Variants in EYA2 observed in about 807,000 individuals in gnomAD.
EYA2 encodes EYA transcriptional coactivator and phosphatase 2, also known as protein phosphatase EYA2.
EYA2 carries 31 observed loss-of-function variants against 69.2 expected under a neutral mutation model. The observed-to-expected ratio is 0.45, with a 90% CI of 0.34 to 0.60. The LOEUF (loss-of-function observed/expected upper bound fraction) is 0.60. Ranked by LOEUF, EYA2 falls within the 20% of genes least tolerant of loss-of-function variation. The pLI, the probability that EYA2 is intolerant of heterozygous loss-of-function variation, is 0.02. For synonymous variants in EYA2, 257 were observed against 279.4 expected (o/e 0.92, Z 0.80); for missense variants, 622 against 701.2 (o/e 0.89, Z 1.28).
Position 47,019,971 on chromosome 20 carries a change from TA to T in EYA2, c.415+3690del, listed in dbSNP as rs113968732. On this transcript the variant is annotated intron_variant, in intron 5 of 15. Coordinates refer to ENST00000327619, the MANE Select transcript of EYA2 (RefSeq NM_005244.5). ...GAGCAATAGAGCAAGACCCTATCTTTAAAAAAAAAAAAAAAATGCTGGGCAT... is the reference window on the plus strand; with the variant it reads ...GAGCAATAGAGCAAGACCCTATCTTTAAAAAAAAAAAAAAATGCTGGGCAT... 7.5e-4 allele frequency among the ~76,000 whole-genome samples: 100 copies of T among 133,022 alleles called. 2 individuals carry two copies. The highest frequency in any genetic ancestry group is 2.5e-3 in the African/African-American group (86 of 34,988). The allele number at this position is 133,022 out of a possible 152,430, so 87.3% of individuals were successfully genotyped here.
intron 1 of EYA2, among the ~76,000 whole-genome samples, chr20:46,911,743 CTCG>C (rs1984653485): frequency 6.6e-6 from 1 of 152,072 alleles, no homozygotes. Context: ...AACTGGAAAA[CTCG>C]ATCTCGTGGA....
intron 2 of EYA2, among the ~76,000 whole-genome samples, chr20:46,993,207 G>A (rs549322454): frequency 1.8e-4 from 27 of 152,324 alleles, no homozygotes; most frequent in Admixed American, 6.5e-4. Flanking sequence ...TCAATGTGAG[G>A]ATGAAATGAG....
chr20:47,047,396 CT>C (rs775373584), intron 5 of EYA2, among the ~76,000 whole-genome samples: 1 of 148,164 alleles, frequency 6.7e-6, no homozygotes, highest in Admixed American at 6.7e-5. Context: ...CTCTCTCTCT[CT>C]TTTTTTTGAG....
At chr20:46,959,360 C>A (rs1308613257) in intron 1 of EYA2, among the ~76,000 whole-genome samples, 2 of 152,160 alleles carry the variant, frequency 1.3e-5, no homozygotes, top group African/African-American at 4.8e-5. Context: ...GGGGCTGATG[C>A]TGTGCATTGT....
intron 9 of EYA2, among the ~76,000 whole-genome samples, chr20:47,112,007 G>T (rs1034538661): frequency 6.6e-6 from 1 of 152,046 alleles, no homozygotes; most frequent in Non-Finnish European, 1.5e-5. Flanking sequence ...CAGGCGTGGT[G>T]GTGTGCACCT....
chr20:47,065,393 A>C (rs968849101), intron 5 of EYA2, among the ~76,000 whole-genome samples: 4 of 152,256 alleles, frequency 2.6e-5, no homozygotes, highest in African/African-American at 4.8e-5. Context: ...AAGAGGGGAA[A>C]AAGTGGTCCC....
intron 1 of EYA2, among the ~76,000 whole-genome samples, chr20:46,945,379 C>A (rs1978394736): frequency 6.6e-6 from 1 of 152,156 alleles, no homozygotes; most frequent in Non-Finnish European, 1.5e-5. Context: ...GCCCAAATTC[C>A]CTGTGTTTAA....
In EYA2 at chr20:47,113,412, C is replaced by A. The variant is rs75166457; in HGVS notation, c.888+16244C>A. Among the ~76,000 whole-genome samples the A allele has an allele frequency of 3.3e-3, 503 of 152,286 alleles. 10 individuals are homozygous for A. The highest frequency in any genetic ancestry group is 0.012 in the African/African-American group (487 of 41,558). ...GGCTGTGCCTGGGACCTGTGCCCAC[C>A]TCTCAGCTAAGCAGGGTTAGACACC... On this transcript the variant is annotated intron_variant, in intron 9 of 15. Transcript: ENST00000327619.
intron 5 of EYA2, among the ~76,000 whole-genome samples, chr20:47,031,691 T>G (rs1984426104): frequency 6.6e-6 from 1 of 152,230 alleles, no homozygotes; most frequent in African/African-American, 2.4e-5. Flanking sequence ...TTATTTCATT[T>G]GTTTATCATT....
intron 11 of EYA2, among the ~76,000 whole-genome samples, chr20:47,171,255 C>G (rs754866851): frequency 6.6e-6 from 1 of 152,204 alleles, no homozygotes; most frequent in Non-Finnish European, 1.5e-5. Context: ...TGTTTGGTAC[C>G]TCACTTTGAG....
intron 10 of EYA2, among the ~76,000 whole-genome samples, chr20:47,143,995 A>G (rs2033651726): frequency 6.6e-6 from 1 of 152,232 alleles, no homozygotes; most frequent in Non-Finnish European, 1.5e-5. Flanking sequence ...TTGGCTGATA[A>G]AAGGATCAGT....
chr20:47,051,144 C>G (rs892636271), intron 5 of EYA2, among the ~76,000 whole-genome samples: 2 of 152,158 alleles, frequency 1.3e-5, no homozygotes, highest in African/African-American at 2.4e-5. Context: ...TAGCCTATGC[C>G]GGACTTTCCC....
chr20:47,136,569 C>A (rs1383726725), intron 9 of EYA2, among the ~76,000 whole-genome samples: 1 of 151,944 alleles, frequency 6.6e-6, no homozygotes, highest in East Asian at 1.9e-4. Flanking sequence ...CATAGCAAGA[C>A]CCTGTCTCTA....
At chr20:46,915,279 G>A (rs547856855) in intron 1 of EYA2, among the ~76,000 whole-genome samples, 4 of 152,294 alleles carry the variant, frequency 2.6e-5, no homozygotes, top group East Asian at 3.9e-4. Flanking sequence ...CACGCCCACT[G>A]CCTCCAAAAA....
chr20:46,896,418 G>C (rs1600522207), intron 1 of EYA2, among the ~76,000 whole-genome samples: 1 of 148,992 alleles, frequency 6.7e-6, no homozygotes, highest in Non-Finnish European at 1.5e-5. Flanking sequence ...AAAAAAAAGA[G>C]GTACACAAAG....
intron 2 of EYA2, 24 bp downstream of exon 2, chr20:46,990,143 G>T (rs755209926): frequency 9.5e-6 from 13 of 1,365,666 alleles, no homozygotes; most frequent in Non-Finnish European, 1.4e-5. Context: ...TGTGAGTTTG[G>T]GTCAACAGGT....
Position 46,938,379 on chromosome 20 carries a change from C to T in EYA2, c.-11+43392C>T, listed in dbSNP as rs1008773387. Among the ~76,000 whole-genome samples the T allele has an allele frequency of 3.3e-5, 5 of 152,298 alleles. No homozygotes were observed. In the East Asian group the frequency reaches 9.6e-4, roughly 29 times the overall value. On this transcript the variant is annotated intron_variant, in intron 1 of 15. Transcript: ENST00000327619. Reference sequence around the variant, plus strand: ...GTATCTATTACTGCATAACAAGTTACCCCAAACTTTAATAGATAAAAAAAC... The same window carrying T: ...GTATCTATTACTGCATAACAAGTTATCCCAAACTTTAATAGATAAAAAAAC...
chr20:46,993,538 T>C (rs1981822051), intron 2 of EYA2, among the ~76,000 whole-genome samples: 2 of 152,250 alleles, frequency 1.3e-5, no homozygotes, highest in Non-Finnish European at 2.9e-5. Context: ...CCTTCCTTCA[T>C]TCATTTGTTC....
chr20:47,016,439 G>A (rs1983418998), intron 5 of EYA2, 142 bp downstream of exon 5: 2 of 653,726 alleles, frequency 3.1e-6, no homozygotes, highest in Non-Finnish European at 5.5e-6. Context: ...AAATAGATAC[G>A]AGATCTGCCT....
Sources: allele counts gnomAD v4.1 joint callset (sites outside exome capture counted in the v4.1 genomes callset), GRCh38; gene constraint gnomAD v4.1.1; transcripts MANE v1.5; gene names NCBI Gene and HGNC (gene_info 2026-07-23, HGNC 2026-07-21).